Variants in DCDC1 observed in about 807,000 individuals in gnomAD.
The protein encoded by DCDC1 is doublecortin domain-containing protein 1.
In DCDC1, 200 loss-of-function variants were observed where a neutral mutation model predicts 178.3. The observed-to-expected ratio is 1.12, with a 90% confidence interval of 1.00 to 1.26. The LOEUF (loss-of-function observed/expected upper bound fraction) is 1.26, where lower values mean the gene tolerates loss of function less well. Among genes scored for constraint, DCDC1 ranks in the 50% most tolerant of loss-of-function variants. The probability of loss-of-function intolerance (pLI) is 0.00; values close to 1 mark genes in which losing one functional copy is unlikely to be tolerated. For missense variants in DCDC1, 1,983 were observed against 1,749.2 expected (o/e 1.13, Z -2.38); for synonymous variants, 690 against 604.8 (o/e 1.14, Z -2.07).
At chr11:31,167,582 C>G (rs1966848032) in intron 9 of DCDC1, among the ~76,000 whole-genome samples, 1 of 152,152 alleles carries the variant, frequency 6.6e-6, no homozygotes, top group African/African-American at 2.4e-5. Flanking sequence ...TTCCAACTAC[C>G]TCTTCTCACC....
chr11:31,330,258 T>C (rs1472449823), intron 2 of DCDC1, among the ~76,000 whole-genome samples: 1 of 152,068 alleles, frequency 6.6e-6, no homozygotes. Context: ...GTTTTTTTCT[T>C]GTAAATTTGC....
chr11:31,155,621 C>T (rs1169938774), intron 9 of DCDC1, among the ~76,000 whole-genome samples: 1 of 152,202 alleles, frequency 6.6e-6, no homozygotes, highest in Non-Finnish European at 1.5e-5. Flanking sequence ...CCTCATGGAG[C>T]TTAACATCTT....
At chr11:31,198,499 ATAT>A (rs1256195230) in intron 9 of DCDC1, among the ~76,000 whole-genome samples, 3 of 152,002 alleles carry the variant, frequency 2.0e-5, no homozygotes, top group Non-Finnish European at 4.4e-5. Flanking sequence ...TCAAAATATA[ATAT>A]TATTATTTGG....
At chr11:31,026,117 A>AT (rs1953214131) in intron 20 of DCDC1, among the ~76,000 whole-genome samples, 1 of 151,840 alleles carries the variant, frequency 6.6e-6, no homozygotes, top group African/African-American at 2.4e-5. Flanking sequence ...CTCATTAATC[A>AT]TTGGGAATTT....
chr11:31,189,388 T>C (rs1969881073), intron 9 of DCDC1, among the ~76,000 whole-genome samples: 1 of 144,564 alleles, frequency 6.9e-6, no homozygotes, highest in African/African-American at 2.4e-5. Flanking sequence ...CAATGTAAAG[T>C]TTAAACTACC....
rs201129626 is a variant in DCDC1 at position 30,900,391 on chromosome 11, T to G, written c.4618A>C (p.Ile1540Leu). 6.3e-7 allele frequency: 1 copy of G among 1,578,698 alleles called. No individual in the cohort carries two copies. The highest frequency in any genetic ancestry group is 8.6e-7 in the Non-Finnish European group (1 of 1,161,686). Residue 1540 changes from isoleucine (I) to leucine (L), a missense_variant, in exon 33 of 39, where the codon ATT (isoleucine) becomes CTT (leucine). Physicochemically the swap from Ile to Leu is conservative, Grantham distance 5. Transcript: ENST00000684477. ...TCACCACAAGACACCCAGATGGCAA[T>G]AGGATTTCTGAGGATGAGGGTAAGC... ...SLLTLILRNP[I>L]AIWVSCGEPF... is the part of the protein sequence containing the mutation.
intron 7 of DCDC1, among the ~76,000 whole-genome samples, chr11:31,275,443 C>A (rs1945909814): frequency 1.3e-5 from 2 of 152,148 alleles, no homozygotes; most frequent in Non-Finnish European, 2.9e-5. Flanking sequence ...GGTATACACT[C>A]TTTTCCCTTT....
At chr11:31,009,505 G>T (rs890744831) in intron 20 of DCDC1, among the ~76,000 whole-genome samples, 2 of 151,700 alleles carry the variant, frequency 1.3e-5, no homozygotes, top group Non-Finnish European at 2.9e-5. Flanking sequence ...TGTCTATGGA[G>T]GCTGAGAAAT....
intron 2 of DCDC1, among the ~76,000 whole-genome samples, chr11:31,335,185 C>T (rs983999830): frequency 2.6e-5 from 4 of 152,250 alleles, no homozygotes; most frequent in Non-Finnish European, 5.9e-5. Context: ...AGCAAGGCTC[C>T]GTGGGCATGG....
At chr11:31,288,861 AT>A (rs2137373095) in intron 7 of DCDC1, among the ~76,000 whole-genome samples, 1 of 151,890 alleles carries the variant, frequency 6.6e-6, no homozygotes, top group African/African-American at 2.4e-5. Flanking sequence ...AGCAAGCCTT[AT>A]TTTTCCCTTC....
At chr11:31,208,378 G>C (rs990869723) in intron 9 of DCDC1, among the ~76,000 whole-genome samples, 1 of 152,034 alleles carries the variant, frequency 6.6e-6, no homozygotes, top group Non-Finnish European at 1.5e-5. Flanking sequence ...GATTCTTTCA[G>C]GACTATTTCC....
At chr11:30,888,188 AAGAG>A (rs979042988) in intron 36 of DCDC1, among the ~76,000 whole-genome samples, 5 of 150,748 alleles carry the variant, frequency 3.3e-5, no homozygotes, top group Non-Finnish European at 7.4e-5. Context: ...GAAAGGAAGG[AAGAG>A]AGAGAAAGAA....
At chr11:31,183,031 C>T (rs923404796) in intron 9 of DCDC1, among the ~76,000 whole-genome samples, 4 of 152,108 alleles carry the variant, frequency 2.6e-5, no homozygotes, top group Admixed American at 1.3e-4. Flanking sequence ...GTAAAGGGAT[C>T]AATGCAACAA....
At chr11:31,345,324 C>A (rs927366991) in intron 1 of DCDC1, among the ~76,000 whole-genome samples, 1 of 152,066 alleles carries the variant, frequency 6.6e-6, no homozygotes. Flanking sequence ...ATGTTTTTAA[C>A]GTTTTAAAAT....
At chr11:31,174,619 G>A (rs572423706) in intron 9 of DCDC1, among the ~76,000 whole-genome samples, 46 of 152,336 alleles carry the variant, frequency 3.0e-4, no homozygotes, top group African/African-American at 1.1e-3. Flanking sequence ...ATGGACTGGA[G>A]TGGAAACTTG....
At chr11:31,037,463 C>T (rs1198899850) in intron 20 of DCDC1, among the ~76,000 whole-genome samples, 10 of 145,322 alleles carry the variant, frequency 6.9e-5, no homozygotes, top group Non-Finnish European at 1.0e-4. Flanking sequence ...GAAGGAGTCT[C>T]GCTCTGTCAC....
chr11:31,019,887 C>A (rs1030059939), intron 20 of DCDC1, among the ~76,000 whole-genome samples: 1 of 152,084 alleles, frequency 6.6e-6, no homozygotes, highest in African/African-American at 2.4e-5. Flanking sequence ...CCCCACCCCC[C>A]AGTCTGTCTT....
chr11:31,115,630 T>C (rs551113278), intron 11 of DCDC1, among the ~76,000 whole-genome samples: 3 of 152,090 alleles, frequency 2.0e-5, no homozygotes, highest in Admixed American at 6.5e-5. Flanking sequence ...AAACACATAA[T>C]GAACATACAA....
chr11:30,917,071 T>C, intron 25 of DCDC1, 43 bp from the exon 26 acceptor site: 1 of 1,541,674 alleles, frequency 6.5e-7, no homozygotes, highest in Non-Finnish European at 8.7e-7. Context: ...GAAATCTCAT[T>C]CGTGTTCACA....
Sources: gnomAD v4.1 joint callset for allele counts (sites outside exome capture counted in the v4.1 genomes callset) on GRCh38, gnomAD v4.1.1 for gene constraint, MANE v1.5 for transcripts, NCBI Gene and HGNC (gene_info 2026-07-23, HGNC 2026-07-21) for gene names.